Variants in APOBEC3F observed in about 807,000 individuals in gnomAD.
APOBEC3F encodes DNA dC->dU-editing enzyme APOBEC-3F.
A neutral mutation model predicts 45.8 loss-of-function variants in APOBEC3F; 34 were observed. The observed-to-expected ratio is 0.74, with a 90% CI of 0.57 to 0.99. The LOEUF is 0.99. Among genes scored for constraint, APOBEC3F ranks in the 50% least tolerant of loss-of-function variants. APOBEC3F has a pLI of 0.00. For synonymous variants in APOBEC3F, 192 were observed against 174.4 expected (o/e 1.10, Z -0.80); for missense variants, 459 against 474.1 (o/e 0.97, Z 0.30).
Position 39,045,076 on chromosome 22 carries a change from C to T in APOBEC3F, c.307C>T (p.Leu103=), listed in dbSNP as rs776358670. The T allele has an allele frequency of 3.1e-6, 5 of 1,613,930 alleles. No individual in the cohort carries two copies. The highest frequency in any genetic ancestry group is 3.4e-6 in the Non-Finnish European group (4 of 1,179,944). ...CCCCTGCCCGGACTGTGTGGCGAAG[C>T]TGGCCGAATTCCTGGCTGAGCACCC... The part of the protein sequence containing the change: ...WTPCPDCVAK[L]AEFLAEHPNV... The change falls in exon 3 of 7, where the codon CTG becomes TTG. Residue 103 remains leucine (L), a synonymous_variant. Coordinates refer to ENST00000308521, the MANE Select transcript of APOBEC3F (RefSeq NM_145298.6).
In APOBEC3F at chr22:39,052,991, T is replaced by A. The variant is rs1165182539; in HGVS notation, c.*296T>A. 1.1e-4 allele frequency: 32 copies of A among 297,030 alleles called. No individual in the cohort carries two copies. Among genetic ancestry groups the A allele is most frequent in the Middle Eastern group, 1.2e-3 (1 of 814 alleles). 18.4% of individuals were successfully genotyped at this position (297,030 alleles called of 1,614,324 possible). On this transcript the variant is annotated 3_prime_UTR_variant, in exon 7 of 7. Coordinates refer to ENST00000308521, the MANE Select transcript of APOBEC3F (RefSeq NM_145298.6). ...CATCTCCCCAGCATAACCTAATATTTTTTTTTTTTTTTTGAGACGGAATTT... is the reference window on the plus strand; with the variant it reads ...CATCTCCCCAGCATAACCTAATATTATTTTTTTTTTTTTGAGACGGAATTT...
intron 2 of APOBEC3F, chr22:39,044,105 C>A: frequency 6.4e-7 from 1 of 1,554,032 alleles, no homozygotes; most frequent in Non-Finnish European, 8.7e-7. Flanking sequence ...TTCATCAGAG[C>A]CCCATTTCAA....
At chr22:39,052,497 A>T (rs1439836935) in intron 6 of APOBEC3F, 80 bp from the exon 7 acceptor site, 1 of 1,568,766 alleles carries the variant, frequency 6.4e-7, no homozygotes, top group Non-Finnish European at 8.6e-7. Context: ...CAGTCAGGAG[A>T]CCTGGGCTTG....
intron 1 of APOBEC3F, 108 bp from the exon 2 acceptor site, chr22:39,042,829 G>A: frequency 2.7e-6 from 4 of 1,502,972 alleles, no homozygotes; most frequent in Non-Finnish European, 3.6e-6. Context: ...GCTGTGGAGG[G>A]GTTGGGGAGG....
chr22:39,041,224 G>T (rs1926872201), intron 1 of APOBEC3F, among the ~76,000 whole-genome samples: 1 of 151,834 alleles, frequency 6.6e-6, no homozygotes, highest in South Asian at 2.1e-4. Context: ...ACTCTCCCCC[G>T]CCACCGAAAG....
chr22:39,050,288 G>A (rs1485626690), intron 5 of APOBEC3F, among the ~76,000 whole-genome samples: 1 of 151,738 alleles, frequency 6.6e-6, no homozygotes, highest in Non-Finnish European at 1.5e-5. Flanking sequence ...CGATGTCAAG[G>A]ACACATCCTC....
At chr22:39,042,258 G>A (rs969149292) in intron 1 of APOBEC3F, among the ~76,000 whole-genome samples, 2 of 152,052 alleles carry the variant, frequency 1.3e-5, no homozygotes, top group East Asian at 3.9e-4. Context: ...GAAGGAACTG[G>A]CTGAAAGGTT....
intron 4 of APOBEC3F, among the ~76,000 whole-genome samples, chr22:39,049,048 C>T (rs1354323301): frequency 3.3e-5 from 5 of 151,870 alleles, no homozygotes; most frequent in Non-Finnish European, 5.9e-5. Flanking sequence ...GGTGTGATAC[C>T]AACGTAAAAA....
Position 39,049,479 on chromosome 22 carries a change from A to G in APOBEC3F, c.621A>G (p.Leu207=). The G allele has an allele frequency of 6.2e-7, 1 of 1,614,072 alleles. No homozygotes were observed. The highest frequency in any genetic ancestry group is 8.5e-7 in the Non-Finnish European group (1 of 1,179,998). Residue 207 remains leucine (L), a synonymous_variant, in exon 5 of 7, where the codon CTA becomes CTG. Coordinates refer to ENST00000308521, the MANE Select transcript of APOBEC3F (RefSeq NM_145298.6). The part of the protein sequence containing the change: ...PHIFYFHFKN[L]RKAYGRNESW... ...TATTCTACTTCCACTTTAAAAACCTACGCAAAGCCTATGGTCGGAACGAAA... is the reference window on the plus strand; with the variant it reads ...TATTCTACTTCCACTTTAAAAACCTGCGCAAAGCCTATGGTCGGAACGAAA...
intron 4 of APOBEC3F, among the ~76,000 whole-genome samples, chr22:39,047,599 C>T (rs1927284572): frequency 6.6e-6 from 1 of 152,124 alleles, no homozygotes; most frequent in African/African-American, 2.4e-5. Flanking sequence ...CCCCCTGCCC[C>T]TGCCCCAGCG....
chr22:39,050,912 C>G (rs1282290839), intron 5 of APOBEC3F, among the ~76,000 whole-genome samples: 3 of 152,096 alleles, frequency 2.0e-5, no homozygotes, highest in Admixed American at 1.3e-4. Context: ...TCACACATGA[C>G]CTATGATGAG....
intron 2 of APOBEC3F, chr22:39,043,935 G>C (rs1215756412): frequency 2.0e-5 from 23 of 1,157,004 alleles, no homozygotes; most frequent in Non-Finnish European, 2.5e-5. Context: ...TGAGGCAGGA[G>C]AACCGCTTGA....
chr22:39,044,824 A>T, intron 2 of APOBEC3F, 117 bp from the exon 3 acceptor site: 1 of 941,282 alleles, frequency 1.1e-6, no homozygotes, highest in Non-Finnish European at 1.6e-6. Context: ...GGAGGAAAGG[A>T]GCTTCAATGG....
chr22:39,046,048 G>A (rs542393159), intron 4 of APOBEC3F, among the ~76,000 whole-genome samples: 89 of 152,288 alleles, frequency 5.8e-4, no homozygotes, highest in Non-Finnish European at 1.2e-3. Flanking sequence ...TCTGGAGGCT[G>A]CAAGTCCAAG....
chr22:39,044,181 C>G, intron 2 of APOBEC3F: 1 of 1,606,914 alleles, frequency 6.2e-7, no homozygotes, highest in South Asian at 1.1e-5. Flanking sequence ...AGTGGCCTCC[C>G]CAGCTGACCG....
Position 39,045,172 on chromosome 22 carries a change from T to G in APOBEC3F, c.403T>G (p.Cys135Gly), listed in dbSNP as rs148020366. ...YWERDYRRAL[C>G]RLSQAGARVK... ...GGAAAGAGATTACCGAAGGGCGCTC[T>G]GCAGGCTGAGTCAGGCAGGGGCCCG... The change falls in exon 3 of 7, where the codon TGC (cysteine) becomes GGC (glycine). Residue 135 changes from cysteine (C) to glycine (G), a missense_variant. Physicochemically the swap from Cys to Gly is radical, Grantham distance 159. Coordinates refer to ENST00000308521, the MANE Select transcript of APOBEC3F (RefSeq NM_145298.6). 1.6e-5 allele frequency: 26 copies of G among 1,614,016 alleles called. No individual in the cohort carries two copies. In the African/African-American group the frequency reaches 3.5e-4, roughly 22 times the overall value.
At chr22:39,042,830 G>A in intron 1 of APOBEC3F, 107 bp from the exon 2 acceptor site, 5 of 1,509,930 alleles carry the variant, frequency 3.3e-6, no homozygotes, top group Non-Finnish European at 4.4e-6. Flanking sequence ...CTGTGGAGGG[G>A]TTGGGGAGGC....
Position 39,045,008 on chromosome 22 carries a change from C to G in APOBEC3F, c.239C>G (p.Pro80Arg). The change falls in exon 3 of 7, where the codon CCT (proline) becomes CGT (arginine). Residue 80 changes from proline to arginine, a missense_variant. By Grantham distance (103) the Pro-to-Arg change is moderately radical. Coordinates refer to ENST00000308521, the MANE Select transcript of APOBEC3F (RefSeq NM_145298.6). ...TCTTGGTTCTGTGGCAACCAGCTGC[C>G]TGCTTACAAGTGTTTCCAGATCACC... is the stretch of plus-strand genomic sequence containing the variant. ...FLSWFCGNQL[P>R]AYKCFQITWF... The G allele has an allele frequency of 6.2e-7, 1 of 1,614,044 alleles. No homozygotes were observed. The highest frequency in any genetic ancestry group is 8.5e-7 in the Non-Finnish European group (1 of 1,180,014).
At position 39,053,154 on chromosome 22, in the gene APOBEC3F, C is replaced by CT. The variant is rs369896110; in HGVS notation, c.*472dup. 238 of 145,046 alleles carry CT rather than the reference C, an allele frequency of 1.6e-3. No individual in the cohort carries two copies. The highest frequency in any genetic ancestry group is 2.8e-3 in the South Asian group (13 of 4,586). 9.0% of individuals were successfully genotyped at this position (145,046 alleles called of 1,614,324 possible). A position where few individuals can be genotyped will look rare whatever the true frequency, so the allele number is the denominator to read the frequency against. ...GACGCCTGCCACCACGCACAGCTAA[C>CT]TTTTTTTTTTTTTGTATTTTTAGTA... On this transcript the variant is annotated 3_prime_UTR_variant, in exon 7 of 7. Transcript: ENST00000308521.
Sources: gnomAD v4.1 joint callset for allele counts (sites outside exome capture counted in the v4.1 genomes callset) on GRCh38, gnomAD v4.1.1 for gene constraint, MANE v1.5 for transcripts, NCBI Gene and HGNC (gene_info 2026-07-23, HGNC 2026-07-21) for gene names.